MSH3: variants seen among roughly 807,000 people sequenced by gnomAD.
MSH3 encodes DNA mismatch repair protein Msh3.
Under a neutral mutation model 123.3 loss-of-function variants are expected in MSH3, and 106 were observed. The observed-to-expected ratio is 0.86, with a 90% confidence interval of 0.73 to 1.01. The LOEUF (loss-of-function observed/expected upper bound fraction) is 1.01. Ranked by LOEUF, MSH3 falls within the 50% of genes least tolerant of loss-of-function variation. The pLI is 0.00. For missense variants in MSH3, 1,459 were observed against 1,347.6 expected (o/e 1.08, Z -1.29); for synonymous variants, 515 against 481.4 (o/e 1.07, Z -0.91).
At chr5:80,674,883 A>G in intron 6 of MSH3, 100 bp from the exon 7 acceptor site, 1 of 1,096,914 alleles carries the variant, frequency 9.1e-7, no homozygotes, top group East Asian at 2.6e-5. Flanking sequence ...CCTGGCTGTG[A>G]ACCATTATTT....
intron 20 of MSH3, among the ~76,000 whole-genome samples, chr5:80,833,496 G>A (rs1745456115): frequency 6.6e-6 from 1 of 152,178 alleles, no homozygotes; most frequent in African/African-American, 2.4e-5. Context: ...AGGCTGGAGT[G>A]CAGTGGCACC....
At chr5:80,701,003 T>C (rs1750596267) in intron 8 of MSH3, among the ~76,000 whole-genome samples, 1 of 152,198 alleles carries the variant, frequency 6.6e-6, no homozygotes, top group South Asian at 2.1e-4. Flanking sequence ...GGTTTGAGGA[T>C]TTAATTGCAT....
In MSH3 at chr5:80,844,373, C is replaced by T. The variant is rs575779265; in HGVS notation, c.2814-9757C>T. Reference sequence around the variant, plus strand: ...TGTGGTGCTGAGAAGAATGTATTTTCTGTTGATTTGGGGTGTGGAGTTCCG... The same window carrying T: ...TGTGGTGCTGAGAAGAATGTATTTTTTGTTGATTTGGGGTGTGGAGTTCCG... On this transcript the variant is annotated intron_variant, in intron 20 of 23. Coordinates refer to ENST00000265081, the MANE Select transcript of MSH3 (RefSeq NM_002439.5). 9.4e-4 allele frequency among the ~76,000 whole-genome samples: 143 copies of T among 152,202 alleles called. 1 individual carries two copies. Among genetic ancestry groups the T allele is most frequent in the Non-Finnish European group, 1.8e-3 (122 of 68,008 alleles).
intron 22 of MSH3, among the ~76,000 whole-genome samples, chr5:80,871,332 G>A (rs1160507276): frequency 5.9e-5 from 9 of 152,154 alleles, no homozygotes; most frequent in African/African-American, 1.7e-4. Flanking sequence ...AAAACATAGC[G>A]GCTTAGAACA....
In MSH3 at chr5:80,656,440, A is replaced by T; in HGVS notation, c.267A>T (p.Arg89Ser). 1.9e-6 allele frequency: 3 copies of T among 1,614,138 alleles called. No individual in the cohort carries two copies. The highest frequency in any genetic ancestry group is 2.5e-6 in the Non-Finnish European group (3 of 1,179,998). The stretch of plus-strand genomic sequence containing the variant: ...CAGAAATTGACAGAAGAAAGAAGAG[A>T]CCATTGGAAAATGATGGGCCTGTTA... Reference protein sequence around the residue: ...IATEIDRRKKRPLENDGPVKK... With the variant: ...IATEIDRRKKSPLENDGPVKK... The change falls in exon 2 of 24, where the codon AGA (arginine) becomes AGT (serine). Residue 89 changes from arginine (R) to serine (S), a missense_variant. By Grantham distance (110) the Arg-to-Ser change is moderately radical (BLOSUM62 -1). Transcript: ENST00000265081.
chr5:80,659,737 A>G (rs992908799), intron 2 of MSH3, among the ~76,000 whole-genome samples: 1 of 152,084 alleles, frequency 6.6e-6, no homozygotes, highest in Non-Finnish European at 1.5e-5. Context: ...TCCAGAACTC[A>G]TTTTATCTTG....
At chr5:80,799,654 A>G (rs1006583629) in intron 19 of MSH3, among the ~76,000 whole-genome samples, 4 of 151,940 alleles carry the variant, frequency 2.6e-5, no homozygotes, top group African/African-American at 7.3e-5. Context: ...AGTGTACTCA[A>G]TGATGAACAC....
intron 20 of MSH3, among the ~76,000 whole-genome samples, chr5:80,839,450 G>A (rs1440532091): frequency 6.6e-6 from 1 of 152,112 alleles, no homozygotes; most frequent in Non-Finnish European, 1.5e-5. Context: ...TTTTTGAACC[G>A]ATTCTTAAGG....
chr5:80,713,542 G>A (rs536815717), intron 8 of MSH3, among the ~76,000 whole-genome samples: 2 of 152,272 alleles, frequency 1.3e-5, no homozygotes, highest in African/African-American at 4.8e-5. Context: ...TCTCCATTCA[G>A]GAGGCTTCAG....
chr5:80,812,712 C>CT (rs1436393466), intron 19 of MSH3, among the ~76,000 whole-genome samples: 1 of 151,356 alleles, frequency 6.6e-6, no homozygotes, highest in Admixed American at 6.6e-5. Flanking sequence ...CTCCCGAGAA[C>CT]TGGCATCATC....
chr5:80,795,287 G>C (rs1040994632), intron 19 of MSH3, among the ~76,000 whole-genome samples: 5 of 152,156 alleles, frequency 3.3e-5, no homozygotes, highest in Non-Finnish European at 7.4e-5. Context: ...CTTGTTGGTA[G>C]TATATAATGC....
intron 7 of MSH3, among the ~76,000 whole-genome samples, chr5:80,676,954 A>G (rs1053939925): frequency 1.3e-5 from 2 of 152,200 alleles, no homozygotes; most frequent in African/African-American, 4.8e-5. Flanking sequence ...TTGCCCTTCA[A>G]GCATTTTCTT....
intron 20 of MSH3, among the ~76,000 whole-genome samples, chr5:80,835,110 A>G (rs950280820): frequency 1.3e-5 from 2 of 152,242 alleles, no homozygotes; most frequent in Admixed American, 6.5e-5. Flanking sequence ...CCCTTCTGTC[A>G]AAAGAGAAGA....
At chr5:80,768,434 C>T (rs1380743312) in intron 14 of MSH3, among the ~76,000 whole-genome samples, 1 of 152,186 alleles carries the variant, frequency 6.6e-6, no homozygotes, top group Non-Finnish European at 1.5e-5. Flanking sequence ...ATATCTTGTA[C>T]TCATTTCCTA....
chr5:80,720,095 GTTTA>G (rs958684981), intron 8 of MSH3, among the ~76,000 whole-genome samples: 1 of 152,182 alleles, frequency 6.6e-6, no homozygotes, highest in African/African-American at 2.4e-5. Context: ...CTGGCTTACA[GTTTA>G]TTTCTTTGAG....
At chr5:80,768,343 C>T (rs1744159608) in intron 14 of MSH3, among the ~76,000 whole-genome samples, 1 of 152,086 alleles carries the variant, frequency 6.6e-6, no homozygotes, top group Non-Finnish European at 1.5e-5. Flanking sequence ...TATAGTACTC[C>T]CCCACATATC....
Position 80,670,290 on chromosome 5 carries a change from T to G in MSH3, c.773T>G (p.Phe258Cys). The change falls in exon 4 of 24, where the codon TTC becomes TGC. Residue 258 changes from phenylalanine (F) to cysteine (C), a missense_variant. Transcript: ENST00000265081. Reference sequence around the variant, plus strand: ...GTGGAATGTGGATATAAGTATAGATTCTTTGGGGAAGATGCAGAGGTAAGT... The same window carrying G: ...GTGGAATGTGGATATAAGTATAGATGCTTTGGGGAAGATGCAGAGGTAAGT... ...LCVECGYKYRFFGEDAEIAAR... is the reference protein window; with the variant it reads ...LCVECGYKYRCFGEDAEIAAR... The G allele has an allele frequency of 6.2e-7, 1 of 1,614,138 alleles. No individual in the cohort carries two copies. The highest frequency in any genetic ancestry group is 8.5e-7 in the Non-Finnish European group (1 of 1,180,012).
intron 20 of MSH3, among the ~76,000 whole-genome samples, chr5:80,853,009 G>A (rs1745854086): frequency 6.6e-6 from 1 of 152,166 alleles, no homozygotes; most frequent in Admixed American, 6.5e-5. Flanking sequence ...GCATAACACT[G>A]AGTATTACCT....
chr5:80,819,610 C>T (rs1745169147), intron 20 of MSH3, among the ~76,000 whole-genome samples: 2 of 151,832 alleles, frequency 1.3e-5, no homozygotes, highest in Admixed American at 1.3e-4. Flanking sequence ...CCTCAGCCTC[C>T]TGAGTAGCTG....
Sources: allele counts gnomAD v4.1 joint callset (sites outside exome capture counted in the v4.1 genomes callset), GRCh38; gene constraint gnomAD v4.1.1; transcripts MANE v1.5; gene names NCBI Gene and HGNC (gene_info 2026-07-23, HGNC 2026-07-21).